SAMD4B: variants seen among roughly 807,000 people sequenced by gnomAD.
The protein encoded by SAMD4B is protein Smaug homolog 2.
SAMD4B carries 5 observed loss-of-function variants against 74.5 expected under a neutral mutation model. The ratio of observed to expected loss-of-function variants is 0.07; its 90% CI spans 0.04 to 0.14. The LOEUF (loss-of-function observed/expected upper bound fraction) is 0.14. Among genes scored for constraint, SAMD4B ranks in the 10% least tolerant of loss-of-function variants. The pLI, the probability that SAMD4B is intolerant of heterozygous loss-of-function variation, is 1.00. For synonymous variants in SAMD4B, 373 were observed against 374.9 expected (o/e 1.00, Z 0.06); for missense variants, 608 against 921.8 (o/e 0.66, Z 4.41).
In SAMD4B at chr19:39,378,730, AC is replaced by A. The variant is rs570844421; in HGVS notation, c.1530+144del. ...AGACCATCCTGGCTAACACAGTGAA[AC>A]CCAGTCTTTACTAAAAATACAAAAA... On this transcript the variant is annotated intron_variant, in intron 9 of 13. Coordinates refer to ENST00000610417, the MANE Select transcript of SAMD4B (RefSeq NM_001384574.2). The surrounding 1 kb of genome is among the most constrained non-coding windows in gnomAD (Gnocchi z 4.4). 770 of 627,712 alleles carry A rather than the reference AC, an allele frequency of 1.2e-3. 1 individual carries two copies. The highest frequency in any genetic ancestry group is 9.9e-3 in the Middle Eastern group (22 of 2,228). 38.9% of individuals were successfully genotyped at this position (627,712 alleles called of 1,614,324 possible).
intron 2 of SAMD4B, 91 bp from the exon 3 acceptor site, chr19:39,356,598 A>T (rs1012445349): frequency 3.2e-5 from 8 of 250,414 alleles, no homozygotes; most frequent in Non-Finnish European, 5.3e-5. Context: ...TGAAAGAGAA[A>T]GGCATGAGGC....
At chr19:39,388,913 G>A (rs779161462), downstream of SAMD4B, 15 of 1,609,200 alleles carry the variant, frequency 9.3e-6, no homozygotes, top group South Asian at 1.6e-4. Flanking sequence ...GCACAAATAG[G>A]CTGTCCCTTT....
Position 39,381,018 on chromosome 19 carries a change from G to A in SAMD4B, c.1877G>A (p.Ser626Asn), listed in dbSNP as rs1277005505. 3 of 1,611,778 alleles carry A rather than the reference G, an allele frequency of 1.9e-6. No individual in the cohort carries two copies. Among genetic ancestry groups the A allele is most frequent in the Admixed American group, 1.7e-5 (1 of 59,804 alleles). The stretch of plus-strand genomic sequence containing the variant: ...CTGTGGTTTGCCAACCCTGGAGGCA[G>A]CAACAGCATGCCCAGTCAGAGCCGC... ...QNLWFANPGG[S>N]NSMPSQSRSS... The change falls in exon 12 of 14, where the codon AGC becomes AAC. Residue 626 changes from serine to asparagine, a missense_variant. Around this residue, in one of 9 missense-constraint regions of SAMD4B, gnomAD observed 167 missense variants for 193.0 expected, o/e 0.87. Transcript: ENST00000610417.
intron 1 of SAMD4B, among the ~76,000 whole-genome samples, chr19:39,345,466 T>C (rs1165390496): frequency 6.6e-6 from 1 of 152,222 alleles, no homozygotes. Context: ...TTTAAATTGC[T>C]GCTTCTTTGA....
At chr19:39,386,722 T>G, downstream of SAMD4B, 1 of 1,613,948 alleles carries the variant, frequency 6.2e-7, no homozygotes, top group Non-Finnish European at 8.5e-7. This position sits in a 1 kb window ranked among gnomAD's most constrained non-coding sequence, Gnocchi z 6.1. Flanking sequence ...CTCATTCATG[T>G]CCCGATGTTT....
Position 39,381,122 on chromosome 19 carries a change from C to A in SAMD4B, c.1972+9C>A. On this transcript the variant is annotated intron_variant, in intron 12 of 13. Transcript: ENST00000610417. ...TCTCATGTTCCCTCCAGGTGAGGTG[C>A]CCCACCCTTGGGACTCTGCCTGGCC... 6.3e-7 allele frequency: 1 copy of A among 1,592,238 alleles called. No individual in the cohort carries two copies. The highest frequency in any genetic ancestry group is 8.5e-7 in the Non-Finnish European group (1 of 1,170,722).
At chr19:39,358,340 A>G (rs1363645053) in intron 3 of SAMD4B, among the ~76,000 whole-genome samples, 1 of 152,238 alleles carries the variant, frequency 6.6e-6, no homozygotes, top group Non-Finnish European at 1.5e-5. Context: ...TTTAAATCCC[A>G]GTTCTGTTAC....
Position 39,377,499 on chromosome 19 carries a change from C to T in SAMD4B, c.1119C>T (p.Gly373=), listed in dbSNP as rs1486156697. The T allele has an allele frequency of 5.7e-6, 9 of 1,569,034 alleles. No individual in the cohort carries two copies. The highest frequency in any genetic ancestry group is 3.5e-5 in the South Asian group (3 of 85,308). Residue 373 remains glycine (G), a synonymous_variant, in exon 8 of 14, where the codon GGC becomes GGT. Transcript: ENST00000610417. ...LKSLEKDVLE[G]GNLRNALQEL... is the part of the protein sequence containing the mutation. ...CTCCCATCCAGGATGTGCTGGAAGGCGGGAACCTACGAAACGCTCTGCAGG... is the reference window on the plus strand; with the variant it reads ...CTCCCATCCAGGATGTGCTGGAAGGTGGGAACCTACGAAACGCTCTGCAGG...
chr19:39,369,838 C>G lies in SAMD4B; in HGVS notation c.380C>G (p.Ser127Cys), dbSNP rs1250652205. 2 of 1,614,276 alleles carry G rather than the reference C, an allele frequency of 1.2e-6. No homozygotes were observed. The highest frequency in any genetic ancestry group is 1.7e-6 in the Non-Finnish European group (2 of 1,180,052). Reference sequence around the variant, plus strand: ...ATCGAGGAGAGTCGCCAGCTGCTTTCCTATGCCCTCATCCACCCAGCCACC... The same window carrying G: ...ATCGAGGAGAGTCGCCAGCTGCTTTGCTATGCCCTCATCCACCCAGCCACC... The part of the protein sequence containing the change: ...AFIEESRQLL[S>C]YALIHPATTL... Residue 127 changes from serine to cysteine, a missense_variant, in exon 4 of 14, where the codon TCC (serine) becomes TGC (cysteine). Physicochemically the swap from Ser to Cys is moderately radical, Grantham distance 112. Transcript: ENST00000610417.
At chr19:39,389,538 C>A (rs188491796), downstream of SAMD4B, 2 of 1,614,196 alleles carry the variant, frequency 1.2e-6, no homozygotes, top group Admixed American at 1.7e-5. The surrounding 1 kb of genome is among the most constrained non-coding windows in gnomAD (Gnocchi z 5.3). Context: ...TCAGCTGGAT[C>A]TAGAAGAACT....
intron 1 of SAMD4B, chr19:39,348,464 T>G (rs2075828142): frequency 6.6e-6 from 1 of 152,010 alleles, no homozygotes; most frequent in African/African-American, 2.4e-5. Flanking sequence ...GGCAGAGAGG[T>G]CAGCAGGTGC....
At chr19:39,352,807 A>G (rs2076126660) in intron 1 of SAMD4B, among the ~76,000 whole-genome samples, 1 of 152,206 alleles carries the variant, frequency 6.6e-6, no homozygotes, top group African/African-American at 2.4e-5. Context: ...CAACCCAGTA[A>G]AAGAATTTAT....
At chr19:39,365,287 C>T (rs957390977) in intron 3 of SAMD4B, among the ~76,000 whole-genome samples, 11 of 151,298 alleles carry the variant, frequency 7.3e-5, no homozygotes, top group Admixed American at 6.6e-5. Context: ...GACACCATGG[C>T]TCACACCTGC....
At chr19:39,351,093 C>T (rs10422996) in intron 1 of SAMD4B, 5,722 of 152,134 alleles carry the variant, frequency 0.038, 314 homozygotes, top group African/African-American at 0.12. Context: ...GTGATTCTCC[C>T]GCCTCAGTCT....
chr19:39,347,420 G>A (rs933717813), intron 1 of SAMD4B, among the ~76,000 whole-genome samples: 44 of 152,182 alleles, frequency 2.9e-4, no homozygotes, highest in Non-Finnish European at 6.3e-4. Context: ...AGCCAAATAG[G>A]CCTGTGATTC....
At chr19:39,380,226 C>G (rs1600587487) in intron 10 of SAMD4B, 142 bp downstream of exon 10, 3 of 667,396 alleles carry the variant, frequency 4.5e-6, no homozygotes, top group East Asian at 5.6e-5. Flanking sequence ...AAGAAAATTT[C>G]CACTAGAATA....
chr19:39,376,673 T>C (rs2077616591), intron 6 of SAMD4B, 32 bp from the exon 7 acceptor site: 3 of 1,606,928 alleles, frequency 1.9e-6, no homozygotes, highest in Non-Finnish European at 2.6e-6. Context: ...CTCACATCTC[T>C]AGCTTCCTGT....
intron 3 of SAMD4B, among the ~76,000 whole-genome samples, chr19:39,368,652 G>C (rs1182569675): frequency 2.6e-5 from 4 of 152,206 alleles, no homozygotes; most frequent in Non-Finnish European, 5.9e-5. Flanking sequence ...GAAGATAAAT[G>C]CATCTGGATG....
Position 39,385,532 on chromosome 19 carries a change from A to G in SAMD4B, c.*2005A>G, listed in dbSNP as rs192749705. 12 of 464,882 alleles carry G rather than the reference A, an allele frequency of 2.6e-5. No individual in the cohort carries two copies. Among genetic ancestry groups the G allele is most frequent in the South Asian group, 2.5e-4 (5 of 19,898 alleles). 28.8% of individuals were successfully genotyped at this position (464,882 alleles called of 1,614,324 possible). ...CAGCCCCCTCCCCAGGCCCTCCTCCATGATTTCACCCTCCCTACCCACTTC... is the reference window on the plus strand; with the variant it reads ...CAGCCCCCTCCCCAGGCCCTCCTCCGTGATTTCACCCTCCCTACCCACTTC... On this transcript the variant is annotated 3_prime_UTR_variant, in exon 14 of 14. Coordinates refer to ENST00000610417, the MANE Select transcript of SAMD4B (RefSeq NM_001384574.2).
Sources: gnomAD v4.1 joint callset for allele counts (sites outside exome capture counted in the v4.1 genomes callset) on GRCh38, gnomAD v4.1.1 for gene constraint, gnomAD v4.1.1 regional missense constraint, Gnocchi (gnomAD v3.1) non-coding constraint, MANE v1.5 for transcripts, NCBI Gene and HGNC (gene_info 2026-07-23, HGNC 2026-07-21) for gene names.